KDM7A: variants seen among roughly 807,000 people sequenced by gnomAD.
KDM7A encodes lysine-specific demethylase 7A.
KDM7A carries 28 observed loss-of-function variants against 114.8 expected under a neutral mutation model. That is an observed-to-expected ratio of 0.24 (90% CI 0.18 to 0.33). KDM7A has a LOEUF of 0.33. KDM7A is among the 10% of genes least tolerant of loss of function. The pLI is 1.00. For missense variants in KDM7A, 942 were observed against 1,142.5 expected (o/e 0.82, Z 2.53); for synonymous variants, 423 against 397.8 (o/e 1.06, Z -0.75).
rs1209310316 is a variant in KDM7A at position 140,142,913 on chromosome 7, T to C, written c.195-3723A>G. Among the ~76,000 whole-genome samples the C allele has an allele frequency of 2.0e-5, 3 of 150,820 alleles. No individual in the cohort carries two copies. In the East Asian group the frequency reaches 5.8e-4, roughly 29 times the overall value. ...ATGGTAATGCAAATTAAAAAAAAAA[T>C]CATACAATAAATGAATGAAATCTAC... On this transcript the variant is annotated intron_variant, in intron 1 of 19. Transcript: ENST00000397560.
At chr7:140,105,469 C>A (rs1275617422) in intron 11 of KDM7A, among the ~76,000 whole-genome samples, 1 of 152,146 alleles carries the variant, frequency 6.6e-6, no homozygotes, top group Non-Finnish European at 1.5e-5. Context: ...TCCATCAATA[C>A]CTACTTTATT....
In KDM7A at chr7:140,176,760, C is replaced by T; in HGVS notation, c.178G>A (p.Asp60Asn). ...RFMIECDICK[D>N]WFHGSCVGVE... ...TTTATTTACCTGCCGTGGAACCAGT[C>T]CTTGCAGATATCGCACTCGATCATG... Residue 60 changes from aspartate to asparagine, a missense_variant, in exon 1 of 20, where the codon GAC becomes AAC. By Grantham distance (23) the Asp-to-Asn change is conservative. Transcript: ENST00000397560. This position sits in a 1 kb window ranked among gnomAD's most constrained non-coding sequence, Gnocchi z 4.4. 1 of 1,400,154 alleles carries T rather than the reference C, an allele frequency of 7.1e-7. No homozygotes were observed. Among genetic ancestry groups the T allele is most frequent in the Non-Finnish European group, 9.5e-7 (1 of 1,053,040 alleles). The allele number at this position is 1,400,154 out of a possible 1,614,324, so 86.7% of individuals were successfully genotyped here.
intron 11 of KDM7A, among the ~76,000 whole-genome samples, chr7:140,108,902 G>A (rs2116767272): frequency 6.6e-6 from 1 of 152,338 alleles, no homozygotes; most frequent in East Asian, 1.9e-4. Context: ...GCCTCCTTGA[G>A]CTGTGGTGGG....
At position 140,133,566 on chromosome 7, in the gene KDM7A, T is replaced by G; in HGVS notation, c.371A>C (p.Lys124Thr). ...PVQAGTRTFI[K>T]ELRSRVFPSA... is the part of the protein sequence containing the mutation. ...TGGGAAGACTCGAGAGCGTAATTCC[T>G]TAATGAAAGTTCTAGTTCCAGCTTG... The change falls in exon 3 of 20, where the codon AAG becomes ACG. Residue 124 changes from lysine to threonine, a missense_variant. By Grantham distance (78) the Lys-to-Thr change is moderately conservative (BLOSUM62 -1). Around this residue, in one of 4 missense-constraint regions of KDM7A, gnomAD observed 318 missense variants for 453.1 expected, o/e 0.70. Transcript: ENST00000397560. The G allele has an allele frequency of 6.2e-7, 1 of 1,607,184 alleles. No individual in the cohort carries two copies. Among genetic ancestry groups the G allele is most frequent in the Non-Finnish European group, 8.5e-7 (1 of 1,173,784 alleles).
chr7:140,157,841 C>T lies in KDM7A; in HGVS notation c.195-18651G>A, dbSNP rs948886784. On this transcript the variant is annotated intron_variant, in intron 1 of 19. Coordinates refer to ENST00000397560, the MANE Select transcript of KDM7A (RefSeq NM_030647.2). ...AAAATTAGTCAGGTGTGGTGGCACA[C>T]GCCTGTAATCCCAGCTACTCGAGAG... 3.3e-5 allele frequency among the ~76,000 whole-genome samples: 5 copies of T among 151,046 alleles called. No individual in the cohort carries two copies. In the South Asian group the frequency reaches 8.3e-4, roughly 25 times the overall value.
intron 9 of KDM7A, among the ~76,000 whole-genome samples, chr7:140,114,835 T>C (rs1818493390): frequency 7.0e-6 from 1 of 143,098 alleles, no homozygotes; most frequent in Admixed American, 7.0e-5. Context: ...GTCTGGGAGG[T>C]GAGGAGCCCC....
At chr7:140,097,069 A>C (rs374854804) in intron 15 of KDM7A, 22 bp from the exon 16 acceptor site, 2 of 1,591,174 alleles carry the variant, frequency 1.3e-6, no homozygotes, top group African/African-American at 2.7e-5. Flanking sequence ...ATTACATGGA[A>C]ACAAAGCTAC....
intron 12 of KDM7A, among the ~76,000 whole-genome samples, chr7:140,100,820 G>C (rs1818213860): frequency 6.7e-6 from 1 of 149,420 alleles, no homozygotes; most frequent in Admixed American, 6.7e-5. Flanking sequence ...GAGTGCAATG[G>C]CATGATCTCG....
chr7:140,103,201 T>G (rs2116756302), intron 11 of KDM7A, among the ~76,000 whole-genome samples: 1 of 152,258 alleles, frequency 6.6e-6, no homozygotes, highest in South Asian at 2.1e-4. Flanking sequence ...TCTAGGAACC[T>G]CATATAAGTG....
intron 1 of KDM7A, among the ~76,000 whole-genome samples, chr7:140,168,252 G>A (rs1267606275): frequency 6.6e-6 from 1 of 152,048 alleles, no homozygotes; most frequent in Non-Finnish European, 1.5e-5. Context: ...CCCACTTTTA[G>A]CAATCTAACC....
At chr7:140,163,254 A>C (rs1794540228) in intron 1 of KDM7A, among the ~76,000 whole-genome samples, 1 of 151,822 alleles carries the variant, frequency 6.6e-6, no homozygotes, top group Non-Finnish European at 1.5e-5. Flanking sequence ...TGAGCCTCCC[A>C]AAGTGCTGGG....
chr7:140,099,769 T>C (rs1176927294), intron 13 of KDM7A, 130 bp downstream of exon 13: 2 of 750,708 alleles, frequency 2.7e-6, no homozygotes, highest in Non-Finnish European at 4.6e-6. Flanking sequence ...AACCATTCCC[T>C]GGCTGAGAAA....
intron 18 of KDM7A, among the ~76,000 whole-genome samples, chr7:140,092,996 T>TA (rs61576226): frequency 2.5e-4 from 38 of 149,264 alleles, no homozygotes; most frequent in East Asian, 7.8e-4. Context: ...AGCCTTCCTT[T>TA]AAAAAAAAAA....
chr7:140,132,897 C>T (rs996996743), intron 3 of KDM7A, among the ~76,000 whole-genome samples: 4 of 152,166 alleles, frequency 2.6e-5, no homozygotes, highest in African/African-American at 9.7e-5. Context: ...CCCTCTTTAA[C>T]AAGCCTGACT....
chr7:140,093,990 A>G, intron 18 of KDM7A, 66 bp downstream of exon 18: 1 of 1,006,972 alleles, frequency 9.9e-7, no homozygotes, highest in East Asian at 2.4e-5. Context: ...GTTTTAAAAA[A>G]GAAAGCAAAA....
At chr7:140,109,201 C>T (rs551455024) in intron 11 of KDM7A, among the ~76,000 whole-genome samples, 6 of 152,336 alleles carry the variant, frequency 3.9e-5, no homozygotes, top group South Asian at 2.1e-4. Flanking sequence ...GGGAACTCCC[C>T]GACCCCTTGC....
rs530871626 is a variant in KDM7A, at chr7:140,103,872, T to C, written c.1429-1712A>G. Reference sequence around the variant, plus strand: ...AATGGTATTTCTAGTTCTAGATCCCTGAGGAATCGCCACATTGACTTCCAC... The same window carrying C: ...AATGGTATTTCTAGTTCTAGATCCCCGAGGAATCGCCACATTGACTTCCAC... On this transcript the variant is annotated intron_variant, in intron 11 of 19. Coordinates refer to ENST00000397560, the MANE Select transcript of KDM7A (RefSeq NM_030647.2). Among the ~76,000 whole-genome samples the C allele has an allele frequency of 3.9e-5, 6 of 152,354 alleles. No homozygotes were observed. The South Asian group carries it at 1.0e-3, about 26-fold the overall frequency.
At chr7:140,161,977 A>T (rs1211917369) in intron 1 of KDM7A, among the ~76,000 whole-genome samples, 1 of 152,128 alleles carries the variant, frequency 6.6e-6, no homozygotes, top group Non-Finnish European at 1.5e-5. Context: ...ATTATCTACA[A>T]TGGTATAAGT....
Position 140,147,304 on chromosome 7 carries a change from C to T in KDM7A, c.195-8114G>A, listed in dbSNP as rs143551271. ...AAATTTTTGTTGACTATTAACTGTG[C>T]TGCAAACTTACTTGAAAACTAATAT... On this transcript the variant is annotated intron_variant, in intron 1 of 19. Coordinates refer to ENST00000397560, the MANE Select transcript of KDM7A (RefSeq NM_030647.2). Among the ~76,000 whole-genome samples, 42 of 152,228 alleles carry T rather than the reference C, an allele frequency of 2.8e-4. 1 individual carries two copies. In the East Asian group the frequency reaches 7.3e-3, roughly 27 times the overall value.
Sources: gnomAD v4.1 joint callset for allele counts (sites outside exome capture counted in the v4.1 genomes callset) on GRCh38, gnomAD v4.1.1 for gene constraint, gnomAD v4.1.1 regional missense constraint, Gnocchi (gnomAD v3.1) non-coding constraint, MANE v1.5 for transcripts, NCBI Gene and HGNC (gene_info 2026-07-23, HGNC 2026-07-21) for gene names.